MVD: variants seen among roughly 807,000 people sequenced by gnomAD.
The protein encoded by MVD is diphosphomevalonate decarboxylase.
Under a neutral mutation model 42.4 loss-of-function variants are expected in MVD, and 52 were observed. The observed-to-expected ratio is 1.23, with a 90% CI of 0.98 to 1.55. The LOEUF is 1.55. MVD is among the 40% of genes most tolerant of loss of function. The pLI is 0.00. For missense variants in MVD, 663 were observed against 572.1 expected (o/e 1.16, Z -1.62); for synonymous variants, 287 against 243.2 (o/e 1.18, Z -1.68).
At chr16:88,653,849 C>G (rs977912667) in intron 8 of MVD, among the ~76,000 whole-genome samples, 2 of 152,072 alleles carry the variant, frequency 1.3e-5, no homozygotes, top group Non-Finnish European at 2.9e-5. Context: ...GCAGCAGCCA[C>G]GAGCCTGGTG....
At chr16:88,654,601 A>C (rs1286896495) in intron 8 of MVD, 91 bp downstream of exon 8, 6 of 1,306,000 alleles carry the variant, frequency 4.6e-6, no homozygotes, top group Non-Finnish European at 5.2e-6. Flanking sequence ...TCCCTGTCTC[A>C]GCGCCACAGC....
At chr16:88,658,288 G>C (rs1340551527) in intron 2 of MVD, among the ~76,000 whole-genome samples, 1 of 152,154 alleles carries the variant, frequency 6.6e-6, no homozygotes, top group Non-Finnish European at 1.5e-5. Context: ...CCTGGGGCAC[G>C]GTGTGCGCAT....
At chr16:88,657,013 G>A in intron 4 of MVD, 2 of 357,802 alleles carry the variant, frequency 5.6e-6, no homozygotes, top group Non-Finnish European at 5.5e-6. Context: ...TCAGTTACGT[G>A]AGCCACAAAA....
rs1378085821 is a variant in MVD at position 88,653,376 on chromosome 16, G to A, written c.1046C>T (p.Pro349Leu). 1 of 1,599,822 alleles carries A rather than the reference G, an allele frequency of 6.3e-7. No individual in the cohort carries two copies. The highest frequency in any genetic ancestry group is 1.8e-5 in the Admixed American group (1 of 55,270). Reference protein sequence around the residue: ...FLKGLQVRPAPLSAELQAALA... With the variant: ...FLKGLQVRPALLSAELQAALA... ...CGCAGCCTGAAGCTCAGCTGAGAGA[G>A]GGGCCGGCCTCACCTGCAGCCCCTT... Residue 349 changes from proline (P) to leucine (L), a missense_variant, in exon 9 of 10, where the codon CCT (proline) becomes CTT (leucine). Physicochemically the swap from Pro to Leu is moderately conservative, Grantham distance 98. Coordinates refer to ENST00000301012, the MANE Select transcript of MVD (RefSeq NM_002461.3).
chr16:88,653,445 G>T, intron 8 of MVD, 37 bp from the exon 9 acceptor site: 1 of 1,536,330 alleles, frequency 6.5e-7, no homozygotes, highest in Non-Finnish European at 8.9e-7. Context: ...GAATGCATCC[G>T]TTTCTCTAAG....
In MVD at chr16:88,652,587, T is replaced by A; in HGVS notation, c.1141A>T (p.Ile381Phe). 1 of 1,563,468 alleles carries A rather than the reference T, an allele frequency of 6.4e-7. No individual in the cohort carries two copies. The highest frequency in any genetic ancestry group is 2.4e-5 in the East Asian group (1 of 42,078). ...IVTQVGPGPQ[I>F]LDDPCAHLLG... The stretch of plus-strand genomic sequence containing the variant: ...AGGTGGGCGCAGGGGTCATCCAGGA[T>A]TTGAGGCCCTGGCCCCACCTGGGGA... Residue 381 changes from isoleucine (I) to phenylalanine (F), a missense_variant, in exon 10 of 10, where the codon ATC becomes TTC. By Grantham distance (21) the Ile-to-Phe change is conservative. Coordinates refer to ENST00000301012, the MANE Select transcript of MVD (RefSeq NM_002461.3).
At chr16:88,658,098 C>A in intron 2 of MVD, 69 bp from the exon 3 acceptor site, 1 of 1,478,642 alleles carries the variant, frequency 6.8e-7, no homozygotes, top group Non-Finnish European at 9.4e-7. Flanking sequence ...GTACCCCTTT[C>A]TACTGAGAGA....
At position 88,658,722 on chromosome 16, in the gene MVD, T is replaced by G. The variant is rs112140447; in HGVS notation, c.71-2A>C. ...CCAGCTCTTCATCGCGCTTGCCCCC[T>G]GTAATGAACAGCCAGGGCCAGGCCG... is the stretch of plus-strand genomic sequence containing the variant. On this transcript the variant is annotated splice_acceptor_variant, in intron 1 of 9. Transcript: ENST00000301012. LOFTEE classifies it high-confidence loss of function. 6.2e-7 allele frequency: 1 copy of G among 1,610,890 alleles called. No individual in the cohort carries two copies. Among genetic ancestry groups the G allele is most frequent in the Non-Finnish European group, 8.5e-7 (1 of 1,178,658 alleles).
chr16:88,655,106 T>C (rs1477332292), intron 7 of MVD, 93 bp downstream of exon 7: 1 of 1,400,156 alleles, frequency 7.1e-7, no homozygotes, highest in African/African-American at 1.4e-5. Flanking sequence ...CAGATTGCCC[T>C]GCACGCGAGC....
Position 88,658,064 on chromosome 16 carries a change from G to A in MVD, c.142-35C>T, listed in dbSNP as rs372523184. The A allele has an allele frequency of 1.3e-5, 21 of 1,591,538 alleles. No individual in the cohort carries two copies. The African/African-American group carries it at 2.4e-4, about 18-fold the overall frequency. Reference sequence around the variant, plus strand: ...AAACCCAGGGCCACCTCAGAGGCCAGCATTGAGGACCGATGCCAGCCAGGT... The same window carrying A: ...AAACCCAGGGCCACCTCAGAGGCCAACATTGAGGACCGATGCCAGCCAGGT... On this transcript the variant is annotated intron_variant, in intron 2 of 9. Coordinates refer to ENST00000301012, the MANE Select transcript of MVD (RefSeq NM_002461.3).
rs993516080 is a variant in MVD at position 88,655,508 on chromosome 16, G to A, written c.679-91C>T. On this transcript the variant is annotated intron_variant, in intron 6 of 9. Coordinates refer to ENST00000301012, the MANE Select transcript of MVD (RefSeq NM_002461.3). The stretch of plus-strand genomic sequence containing the variant: ...GACTCCGGGGTTGGAGGCCCGGCTC[G>A]AGCCCCATCTCTGCATTTGGCTCCT... 4.2e-5 allele frequency: 63 copies of A among 1,509,226 alleles called. No homozygotes were observed. The African/African-American group carries it at 5.5e-4, about 13-fold the overall frequency. The allele number at this position is 1,509,226 out of a possible 1,614,324, so 93.5% of individuals were successfully genotyped here.
chr16:88,653,059 C>A (rs185031417), intron 9 of MVD, among the ~76,000 whole-genome samples: 1 of 152,278 alleles, frequency 6.6e-6, no homozygotes, highest in African/African-American at 2.4e-5. Flanking sequence ...CACCTGTCTC[C>A]CTGGGAGCCT....
intron 1 of MVD, among the ~76,000 whole-genome samples, chr16:88,661,927 T>C (rs774861572): frequency 1.5e-4 from 11 of 72,268 alleles, no homozygotes; most frequent in Non-Finnish European, 2.9e-4. Flanking sequence ...TACACACACA[T>C]ATATCTATAC....
At chr16:88,656,398 C>T in intron 4 of MVD, 94 bp from the exon 5 acceptor site, 1 of 1,336,358 alleles carries the variant, frequency 7.5e-7, no homozygotes, top group Non-Finnish European at 1.0e-6. Flanking sequence ...CACCCCACGG[C>T]AAATGGGGAT....
chr16:88,657,839 G>C, intron 3 of MVD, 76 bp downstream of exon 3: 1 of 1,485,752 alleles, frequency 6.7e-7, no homozygotes. Context: ...GAGGGGCACA[G>C]AGGCAGAAGC....
chr16:88,657,084 G>A lies in MVD; in HGVS notation c.403+352C>T. The A allele has an allele frequency of 1.6e-5, 7 of 441,126 alleles. 1 individual carries two copies. The highest frequency in any genetic ancestry group is 1.3e-4 in the South Asian group (7 of 53,542). The allele number at this position is 441,126 out of a possible 1,614,324, so 27.3% of individuals were successfully genotyped here. ...GTTTCTATCACTGACAATCTAGAGG[G>A]GCTCCACATACAGCAACGGGAAGAT... On this transcript the variant is annotated intron_variant, in intron 4 of 9. Coordinates refer to ENST00000301012, the MANE Select transcript of MVD (RefSeq NM_002461.3).
rs1425394962 is a variant in MVD, at chr16:88,656,085, A to G, written c.603+20T>C. On this transcript the variant is annotated intron_variant, in intron 5 of 9. Transcript: ENST00000301012. Reference sequence around the variant, plus strand: ...ACAGAGGCCACCGGGCTGCTGCTCCACCCGCCCCACCCCACTCACCACAAG... The same window carrying G: ...ACAGAGGCCACCGGGCTGCTGCTCCGCCCGCCCCACCCCACTCACCACAAG... The G allele has an allele frequency of 1.3e-6, 2 of 1,564,150 alleles. No individual in the cohort carries two copies. The highest frequency in any genetic ancestry group is 1.7e-6 in the Non-Finnish European group (2 of 1,156,438).
intron 1 of MVD, chr16:88,658,965 T>G (rs916356673): frequency 8.4e-6 from 4 of 477,676 alleles, no homozygotes; most frequent in African/African-American, 3.9e-5. Context: ...TCCCCATTCC[T>G]TCATCGCTTC....
Position 88,663,012 on chromosome 16 carries a change from G to A in MVD, c.69C>T (p.Tyr23=), listed in dbSNP as rs1908412502. The part of the protein sequence containing the change: ...TAPVNIAVIK[Y]WGKRDEELVL... Reference sequence around the variant, plus strand: ...CCCAGGCCGGCCCGCGGCACTCACAGTACTTGATGACCGCGATGTTGACCG... The same window carrying A: ...CCCAGGCCGGCCCGCGGCACTCACAATACTTGATGACCGCGATGTTGACCG... Residue 23 remains tyrosine (Y), a splice_region_variant and synonymous_variant, in exon 1 of 10, where the codon TAC becomes TAT. Coordinates refer to ENST00000301012, the MANE Select transcript of MVD (RefSeq NM_002461.3). The A allele has an allele frequency of 2.5e-6, 4 of 1,604,424 alleles. No homozygotes were observed. Among genetic ancestry groups the A allele is most frequent in the Non-Finnish European group, 3.4e-6 (4 of 1,176,270 alleles).
Sources: allele counts gnomAD v4.1 joint callset (sites outside exome capture counted in the v4.1 genomes callset), GRCh38; gene constraint gnomAD v4.1.1; transcripts MANE v1.5; gene names NCBI Gene and HGNC (gene_info 2026-07-23, HGNC 2026-07-21).